The following SOX5 variants were observed in gnomAD, a reference collection of about 807,000 sequenced individuals.
The protein encoded by SOX5 is transcription factor SOX-5.
SOX5 carries 9 observed loss-of-function variants against 92.0 expected under a neutral mutation model. That is an observed-to-expected ratio of 0.10 (90% CI 0.06 to 0.17). The LOEUF (loss-of-function observed/expected upper bound fraction) is 0.17. Among genes scored for constraint, SOX5 ranks in the 10% least tolerant of loss-of-function variants. The probability of loss-of-function intolerance (pLI) is 1.00; values close to 1 mark genes in which losing one functional copy is unlikely to be tolerated. For missense variants in SOX5, 642 were observed against 944.5 expected, an observed-to-expected ratio of 0.68 and a Z score of 4.20; for synonymous variants, 344 against 336.3, an observed-to-expected ratio of 1.02 and a Z score of -0.25.
chr12:23,840,410 A>T (rs968692178), intron 3 of SOX5, among the ~76,000 whole-genome samples: 27 of 152,154 alleles, frequency 1.8e-4, no homozygotes, highest in Non-Finnish European at 3.4e-4. Flanking sequence ...AATTCTTCCC[A>T]ACATGATCTA....
At chr12:24,162,991 A>G (rs1431863668) in intron 4 of SOX5, among the ~76,000 whole-genome samples, 2 of 152,040 alleles carry the variant, frequency 1.3e-5, no homozygotes, top group African/African-American at 4.8e-5. Context: ...AGCTCTGCAA[A>G]TATTAACCGG....
At chr12:24,131,824 C>A (rs1949673919) in intron 4 of SOX5, among the ~76,000 whole-genome samples, 1 of 152,090 alleles carries the variant, frequency 6.6e-6, no homozygotes, top group Non-Finnish European at 1.5e-5. Flanking sequence ...AAAATGGTGT[C>A]TTTGTTTAAA....
At chr12:23,663,270 C>A (rs1047506846) in intron 7 of SOX5, among the ~76,000 whole-genome samples, 15 of 152,080 alleles carry the variant, frequency 9.9e-5, no homozygotes, top group African/African-American at 3.6e-4. Context: ...TCCAAGGTTA[C>A]AAAAGAAGGG....
intron 6 of SOX5, among the ~76,000 whole-genome samples, chr12:23,700,920 T>C (rs1296139459): frequency 1.3e-5 from 2 of 151,648 alleles, no homozygotes; most frequent in East Asian, 3.9e-4. Flanking sequence ...TGTATATATA[T>C]ACACATATAC....
At chr12:24,409,111 A>G (rs562502188) in intron 1 of SOX5, among the ~76,000 whole-genome samples, 1 of 152,322 alleles carries the variant, frequency 6.6e-6, no homozygotes, top group African/African-American at 2.4e-5. Context: ...TAAAGAAAAT[A>G]TGGTACATAT....
chr12:23,875,291 A>AC (rs1269433474), intron 2 of SOX5, among the ~76,000 whole-genome samples: 1 of 151,946 alleles, frequency 6.6e-6, no homozygotes, highest in South Asian at 2.1e-4. Context: ...CTTGCTAAAA[A>AC]AATTCAAAGA....
At chr12:24,231,698 T>C (rs1594588789) in intron 3 of SOX5, among the ~76,000 whole-genome samples, 1 of 152,184 alleles carries the variant, frequency 6.6e-6, no homozygotes, top group Middle Eastern at 3.2e-3. Flanking sequence ...TAGAATGGCA[T>C]AAAAGAGTAG....
chr12:24,363,329 A>G lies in SOX5; in HGVS notation c.-174+5234T>C, dbSNP rs115625906. On this transcript the variant is annotated intron_variant, in intron 2 of 4. Coordinates refer to the SOX5 transcript ENST00000446891. ...TTCCCCTCTGTCTCTTCTTTCTGCC[A>G]TCACTTCTGGAACACAGCCAGAAGC... Among the ~76,000 whole-genome samples, 868 of 152,234 alleles carry G rather than the reference A, an allele frequency of 5.7e-3. 6 individuals are homozygous for G. Among genetic ancestry groups the G allele is most frequent in the African/African-American group, 0.02 (818 of 41,544 alleles).
chr12:23,642,085 T>A (rs2080145487), intron 7 of SOX5, among the ~76,000 whole-genome samples: 1 of 152,228 alleles, frequency 6.6e-6, no homozygotes, highest in Middle Eastern at 3.2e-3. Context: ...TTTTTATATT[T>A]GTCATATATT....
intron 2 of SOX5, among the ~76,000 whole-genome samples, chr12:24,312,910 C>T (rs756801908): frequency 2.6e-5 from 4 of 152,154 alleles, no homozygotes. Flanking sequence ...TCAAATACTT[C>T]CAGCGGTTCT....
At chr12:23,799,247 G>A (rs2095619630) in intron 3 of SOX5, among the ~76,000 whole-genome samples, 1 of 151,998 alleles carries the variant, frequency 6.6e-6, no homozygotes, top group African/African-American at 2.4e-5. Flanking sequence ...TGGTAGTGCT[G>A]ATACTAACAA....
chr12:24,480,830 T>G (rs1945907601), intron 1 of SOX5, among the ~76,000 whole-genome samples: 2 of 151,832 alleles, frequency 1.3e-5, no homozygotes, highest in African/African-American at 4.8e-5. Context: ...GTAAAACCAC[T>G]ATGGTGACCT....
intron 3 of SOX5, among the ~76,000 whole-genome samples, chr12:24,224,325 G>GTTTTTTTC (rs1203189246): frequency 6.6e-6 from 1 of 151,532 alleles, no homozygotes; most frequent in Non-Finnish European, 1.5e-5. Context: ...AGCTGACACA[G>GTTTTTTTC]TTTTTTTCTT....
chr12:23,968,688 T>A (rs577056091), intron 4 of SOX5, among the ~76,000 whole-genome samples: 35 of 152,370 alleles, frequency 2.3e-4, no homozygotes, highest in African/African-American at 8.2e-4. Context: ...TCTTGGATAT[T>A]CTGTTACAGC....
At chr12:23,860,936 C>T (rs1595129419) in intron 2 of SOX5, among the ~76,000 whole-genome samples, 1 of 89,662 alleles carries the variant, frequency 1.1e-5, no homozygotes, top group African/African-American at 4.9e-5. Flanking sequence ...GATTTTGAAA[C>T]ACAAAGTATA....
At chr12:23,555,401 G>A (rs1237258983) in intron 11 of SOX5, among the ~76,000 whole-genome samples, 1 of 151,684 alleles carries the variant, frequency 6.6e-6, no homozygotes, top group Non-Finnish European at 1.5e-5. Flanking sequence ...CTACCAGAAT[G>A]ATGTAAAGAA....
intron 4 of SOX5, among the ~76,000 whole-genome samples, chr12:24,112,044 TAAAG>T (rs1474125497): frequency 7.9e-5 from 12 of 152,088 alleles, no homozygotes; most frequent in Non-Finnish European, 1.5e-4. Flanking sequence ...AACAGCCAAA[TAAAG>T]AACAAGGAAC....
intron 6 of SOX5, among the ~76,000 whole-genome samples, chr12:23,710,075 A>G (rs1390030861): frequency 6.6e-6 from 1 of 152,158 alleles, no homozygotes; most frequent in Non-Finnish European, 1.5e-5. Flanking sequence ...TTAGAAAAAC[A>G]TATGGCTTTA....
intron 3 of SOX5, among the ~76,000 whole-genome samples, chr12:24,217,384 T>C (rs1002678561): frequency 3.3e-5 from 5 of 152,206 alleles, no homozygotes; most frequent in Non-Finnish European, 5.9e-5. Context: ...GTAAGAGAAT[T>C]AGTGTTAGAA....
Sources: gnomAD v4.1 joint callset for allele counts (sites outside exome capture counted in the v4.1 genomes callset) on GRCh38, gnomAD v4.1.1 for gene constraint, MANE v1.5 for transcripts, NCBI Gene and HGNC (gene_info 2026-07-23, HGNC 2026-07-21) for gene names.